TRPM3: variants seen among roughly 807,000 people sequenced by gnomAD.
The protein encoded by TRPM3 is long transient receptor potential channel 3.
In TRPM3, 77 loss-of-function variants were observed where a neutral mutation model predicts 181.2. The observed-to-expected ratio is 0.42, with a 90% confidence interval of 0.35 to 0.51. TRPM3 has a LOEUF of 0.51. Among genes scored for constraint, TRPM3 ranks in the 20% least tolerant of loss-of-function variants. The pLI, the probability that TRPM3 is intolerant of heterozygous loss-of-function variation, is 0.01. For synonymous variants in TRPM3, 745 were observed against 796.4 expected (o/e 0.94, Z 1.09); for missense variants, 1,759 against 2,196.7 (o/e 0.80, Z 3.98).
rs1247018528 is a variant in TRPM3, at chr9:70,784,142, T to C, written c.1111A>G (p.Ile371Val). 6.2e-7 allele frequency: 1 copy of C among 1,613,732 alleles called. No individual in the cohort carries two copies. Among genetic ancestry groups the C allele is most frequent in the Non-Finnish European group, 8.5e-7 (1 of 1,179,778 alleles). ...VCDGSGRASDILAFGHKYSEE... is the reference protein window; with the variant it reads ...VCDGSGRASDVLAFGHKYSEE... ...GAGTATTTATGCCCAAAGGCCAGGATGTCCGATGCCCGTCCACTCCCATCA... is the reference window on the plus strand; with the variant it reads ...GAGTATTTATGCCCAAAGGCCAGGACGTCCGATGCCCGTCCACTCCCATCA... Residue 371 changes from isoleucine to valine, a missense_variant, in exon 7 of 26, where the codon ATC (isoleucine) becomes GTC (valine). By Grantham distance (29) the Ile-to-Val change is conservative. Around this residue, in one of 8 missense-constraint regions of TRPM3, gnomAD observed 737 missense variants for 957.4 expected, o/e 0.77. Coordinates refer to ENST00000677713, the MANE Select transcript of TRPM3 (RefSeq NM_001366145.2).
At chr9:70,671,107 A>G (rs998490952) in intron 9 of TRPM3, among the ~76,000 whole-genome samples, 2 of 152,184 alleles carry the variant, frequency 1.3e-5, no homozygotes, top group East Asian at 1.9e-4. Flanking sequence ...ATCATTATCA[A>G]TCAGGCCATC....
intron 1 of TRPM3, among the ~76,000 whole-genome samples, chr9:71,386,950 G>A (rs2092937596): frequency 6.6e-6 from 1 of 152,160 alleles, no homozygotes; most frequent in African/African-American, 2.4e-5. Flanking sequence ...CATTGGCACT[G>A]AGAACATAAG....
chr9:71,421,703 G>A (rs13291428), intron 1 of TRPM3, among the ~76,000 whole-genome samples: 1 of 151,992 alleles, frequency 6.6e-6, no homozygotes, highest in Non-Finnish European at 1.5e-5. Context: ...TAGGCCATAA[G>A]GTACAGCCTA....
intron 1 of TRPM3, among the ~76,000 whole-genome samples, chr9:70,987,736 A>T (rs2134089691): frequency 6.6e-6 from 1 of 152,246 alleles, no homozygotes; most frequent in East Asian, 1.9e-4. Context: ...GTACTGCTGC[A>T]CACCAGTAGA....
chr9:71,007,286 T>C (rs954245628), intron 1 of TRPM3, among the ~76,000 whole-genome samples: 2 of 151,796 alleles, frequency 1.3e-5, no homozygotes, highest in African/African-American at 4.8e-5. Flanking sequence ...CACCCTACTT[T>C]CAGCAATGAA....
At chr9:71,002,661 A>G (rs2097620739) in intron 1 of TRPM3, among the ~76,000 whole-genome samples, 1 of 152,170 alleles carries the variant, frequency 6.6e-6, no homozygotes, top group African/African-American at 2.4e-5. Flanking sequence ...AGGATAATTT[A>G]TTATTTTTAA....
At chr9:70,555,764 A>C (rs2047541074) in intron 22 of TRPM3, among the ~76,000 whole-genome samples, 1 of 150,806 alleles carries the variant, frequency 6.6e-6, no homozygotes, top group Non-Finnish European at 1.5e-5. Flanking sequence ...CACCTACTCT[A>C]CTCACTCCCT....
chr9:71,096,450 T>C (rs1396681988), intron 1 of TRPM3, among the ~76,000 whole-genome samples: 1 of 151,324 alleles, frequency 6.6e-6, no homozygotes, highest in Non-Finnish European at 1.5e-5. Flanking sequence ...ATGTTGCCTC[T>C]GGGTGCTATG....
chr9:71,007,590 T>G (rs189412301), intron 1 of TRPM3, among the ~76,000 whole-genome samples: 22 of 152,230 alleles, frequency 1.4e-4, no homozygotes, highest in African/African-American at 4.3e-4. Context: ...TTCAAATTTA[T>G]GGATATAAAA....
At chr9:70,592,227 A>G (rs1360434315) in intron 21 of TRPM3, among the ~76,000 whole-genome samples, 1 of 152,168 alleles carries the variant, frequency 6.6e-6, no homozygotes, top group Non-Finnish European at 1.5e-5. Context: ...TGTGTTTTCC[A>G]GGCTACGTTA....
chr9:71,022,870 T>C (rs749160135), intron 1 of TRPM3, among the ~76,000 whole-genome samples: 91 of 152,012 alleles, frequency 6.0e-4, no homozygotes, highest in Admixed American at 3.7e-3. Context: ...ATTACAGATA[T>C]ATATGTAAAA....
At chr9:71,078,738 A>C (rs1165180545) in intron 1 of TRPM3, among the ~76,000 whole-genome samples, 1 of 152,222 alleles carries the variant, frequency 6.6e-6, no homozygotes, top group East Asian at 1.9e-4. Context: ...TCTGCTGGCA[A>C]GGCCTAATGA....
intron 1 of TRPM3, among the ~76,000 whole-genome samples, chr9:71,137,000 T>G (rs2074806842): frequency 6.6e-6 from 1 of 152,160 alleles, no homozygotes. Flanking sequence ...GAATTGCATT[T>G]TAAAATGACT....
At chr9:71,405,611 C>G (rs2093422949) in intron 1 of TRPM3, among the ~76,000 whole-genome samples, 1 of 152,146 alleles carries the variant, frequency 6.6e-6, no homozygotes, top group Non-Finnish European at 1.5e-5. Context: ...CTCAGAGAGT[C>G]CTGTTGAAAC....
chr9:70,684,011 G>T (rs1326482551), intron 8 of TRPM3, among the ~76,000 whole-genome samples: 2 of 152,160 alleles, frequency 1.3e-5, no homozygotes, highest in Non-Finnish European at 2.9e-5. Flanking sequence ...TAACATCAGA[G>T]TTCATTGTTT....
intron 1 of TRPM3, among the ~76,000 whole-genome samples, chr9:71,010,838 G>A (rs1182717121): frequency 6.6e-6 from 1 of 151,798 alleles, no homozygotes; most frequent in East Asian, 1.9e-4. Context: ...CATGTTTATT[G>A]CAGCACTATT....
At chr9:70,676,395 A>C (rs2064013039) in intron 9 of TRPM3, among the ~76,000 whole-genome samples, 1 of 152,230 alleles carries the variant, frequency 6.6e-6, no homozygotes, top group Non-Finnish European at 1.5e-5. Flanking sequence ...GACCACTTAC[A>C]ATAACTTCAT....
chr9:70,625,187 T>A lies in TRPM3; in HGVS notation c.1809+4A>T, dbSNP rs758944909. ...AAGGGCCCCGAATTTGCAGCCAGCC[T>A]CACCCTCTTGGGGCCGAAGAGGTTG... On this transcript the variant is annotated splice_donor_region_variant and intron_variant, in intron 14 of 25. Transcript: ENST00000677713. The surrounding 1 kb of genome is among the most constrained non-coding windows in gnomAD (Gnocchi z 4.8). 1 of 1,613,974 alleles carries A rather than the reference T, an allele frequency of 6.2e-7. No homozygotes were observed. The highest frequency in any genetic ancestry group is 1.3e-5 in the African/African-American group (1 of 75,042).
At chr9:71,015,564 T>A (rs1298291529) in intron 1 of TRPM3, among the ~76,000 whole-genome samples, 1 of 152,232 alleles carries the variant, frequency 6.6e-6, no homozygotes, top group Admixed American at 6.5e-5. Context: ...AACACATTTA[T>A]TCAAGTGGTT....
Sources: gnomAD v4.1 joint callset for allele counts (sites outside exome capture counted in the v4.1 genomes callset) on GRCh38, gnomAD v4.1.1 for gene constraint, gnomAD v4.1.1 regional missense constraint, Gnocchi (gnomAD v3.1) non-coding constraint, MANE v1.5 for transcripts, NCBI Gene and HGNC (gene_info 2026-07-23, HGNC 2026-07-21) for gene names.